The following INO80 variants were observed in gnomAD, a reference collection of about 807,000 sequenced individuals.
The protein encoded by INO80 is chromatin-remodeling ATPase INO80.
In INO80, 20 loss-of-function variants were observed where a neutral mutation model predicts 203.4. The ratio of observed to expected loss-of-function variants is 0.10; its 90% CI spans 0.07 to 0.14. INO80 has a LOEUF of 0.14. Among genes scored for constraint, INO80 ranks in the 10% least tolerant of loss-of-function variants. The pLI, the probability that INO80 is intolerant of heterozygous loss-of-function variation, is 1.00. For synonymous variants in INO80, 726 were observed against 685.2 expected, an observed-to-expected ratio of 1.06 and a Z score of -0.93; for missense variants, 1,419 against 1,914.4, an observed-to-expected ratio of 0.74 and a Z score of 4.83.
chr15:41,000,314 TGGGTACA>T (rs2043941917), intron 28 of INO80, among the ~76,000 whole-genome samples: 1 of 151,898 alleles, frequency 6.6e-6, no homozygotes, highest in Non-Finnish European at 1.5e-5. Context: ...CGTCAGGGAA[TGGGTACA>T]GGGTGGGAGT....
At chr15:40,989,355 C>A (rs1487461856) in intron 29 of INO80, among the ~76,000 whole-genome samples, 1 of 152,192 alleles carries the variant, frequency 6.6e-6, no homozygotes, top group African/African-American at 2.4e-5. Flanking sequence ...AAATATATCA[C>A]CACTAAGTGA....
intron 24 of INO80, among the ~76,000 whole-genome samples, chr15:41,029,943 AG>A (rs1201209329): frequency 2.0e-5 from 3 of 152,222 alleles, no homozygotes; most frequent in African/African-American, 4.8e-5. Flanking sequence ...GTAGTAGTTC[AG>A]GGCTGCCAGC....
Position 41,063,593 on chromosome 15 carries a change from G to A in INO80, c.1783-3667C>T, listed in dbSNP as rs749107990. Among the ~76,000 whole-genome samples the A allele has an allele frequency of 8.5e-5, 13 of 152,182 alleles. No homozygotes were observed. In the East Asian group the frequency reaches 1.5e-3, roughly 18 times the overall value. On this transcript the variant is annotated intron_variant, in intron 14 of 35. Coordinates refer to ENST00000648947, the MANE Select transcript of INO80 (RefSeq NM_017553.3). Reference sequence around the variant, plus strand: ...GTTAGAGACCAGCCTGGCTAACATGGTGAAACCCCGTCTGTACTAAAAATA... The same window carrying A: ...GTTAGAGACCAGCCTGGCTAACATGATGAAACCCCGTCTGTACTAAAAATA...
intron 6 of INO80, 127 bp from the exon 7 acceptor site, chr15:41,085,710 C>G: frequency 1.5e-6 from 1 of 658,564 alleles, no homozygotes; most frequent in Non-Finnish European, 2.6e-6. Flanking sequence ...ATCCCTTTAT[C>G]TACTCAGACC....
At chr15:41,095,484 T>A in intron 4 of INO80, 117 bp downstream of exon 4, 1 of 731,218 alleles carries the variant, frequency 1.4e-6, no homozygotes, top group South Asian at 1.7e-5. Context: ...ACATCCAGTA[T>A]AAGAGAATCA....
At chr15:41,108,972 T>C (rs150898466) in intron 1 of INO80, 438 of 159,342 alleles carry the variant, frequency 2.7e-3, no homozygotes, top group African/African-American at 9.7e-3. Context: ...CACGGTCTCT[T>C]TGGAAAGAAG....
chr15:41,040,442 G>C (rs1268909941), intron 24 of INO80, among the ~76,000 whole-genome samples: 2 of 152,170 alleles, frequency 1.3e-5, no homozygotes, highest in African/African-American at 4.8e-5. Context: ...ACACCTGCTT[G>C]ACAAGTGATG....
chr15:41,060,536 A>G (rs1471511903), intron 14 of INO80, among the ~76,000 whole-genome samples: 1 of 151,920 alleles, frequency 6.6e-6, no homozygotes, highest in Non-Finnish European at 1.5e-5. Flanking sequence ...CCTGGGGGAC[A>G]AGAGCAAGAC....
rs1212822971 is a variant in INO80 at position 41,092,063 on chromosome 15, C to T, written c.501G>A (p.Lys167=). ...TACTATACTTATTTTGGTGAAGTTTCTTATATTTGTGTAGTCGAAGCATGT... is the reference window on the plus strand; with the variant it reads ...TACTATACTTATTTTGGTGAAGTTTTTTATATTTGTGTAGTCGAAGCATGT... The part of the protein sequence containing the change: ...LHNMLRLHKY[K]KLHQNKYSKD... The change falls in exon 5 of 36, where the codon AAG becomes AAA. Residue 167 remains lysine (K), a synonymous_variant. Coordinates refer to ENST00000648947, the MANE Select transcript of INO80 (RefSeq NM_017553.3). The T allele has an allele frequency of 1.2e-6, 2 of 1,611,290 alleles. No individual in the cohort carries two copies. Among genetic ancestry groups the T allele is most frequent in the Non-Finnish European group, 1.7e-6 (2 of 1,177,758 alleles).
chr15:41,021,148 G>C (rs778848149), intron 25 of INO80, 23 bp from the exon 26 acceptor site: 2 of 1,543,352 alleles, frequency 1.3e-6, no homozygotes, highest in Non-Finnish European at 1.8e-6. Flanking sequence ...ATTCACATGA[G>C]ATGGCTCTTT....
chr15:41,011,995 TC>T (rs1276392108), intron 27 of INO80, among the ~76,000 whole-genome samples: 4 of 152,248 alleles, frequency 2.6e-5, no homozygotes, highest in Admixed American at 2.0e-4. Flanking sequence ...ATTAACTCTT[TC>T]CAAGTACTCT....
At chr15:40,981,407 T>C (rs928936603) in intron 35 of INO80, among the ~76,000 whole-genome samples, 2 of 152,198 alleles carry the variant, frequency 1.3e-5, no homozygotes, top group Non-Finnish European at 1.5e-5. Context: ...TGACTGTTGT[T>C]TTCCAAGGAT....
In INO80 at chr15:41,021,256, G is replaced by C. The variant is rs867128146; in HGVS notation, c.3049-131C>G. On this transcript the variant is annotated intron_variant, in intron 25 of 35. Coordinates refer to ENST00000648947, the MANE Select transcript of INO80 (RefSeq NM_017553.3). ...ACTAGTGGTTTTAAATATCTGTTCT[G>C]GCACACTAAGCTGTCCCTAATGAAT... The C allele has an allele frequency of 7.8e-6, 5 of 638,486 alleles. No homozygotes were observed. In the Middle Eastern group the frequency reaches 1.1e-3, roughly 142 times the overall value. The allele number at this position is 638,486 out of a possible 1,614,324, so 39.6% of individuals were successfully genotyped here.
chr15:40,984,020 G>T, intron 33 of INO80, 99 bp from the exon 34 acceptor site: 1 of 1,462,898 alleles, frequency 6.8e-7, no homozygotes, highest in East Asian at 2.3e-5. Flanking sequence ...GGCTGCTTTG[G>T]CTTCTGAGAA....
In INO80 at chr15:41,048,234, T is replaced by G; in HGVS notation, c.2619A>C (p.Gln873His). 5 of 1,613,366 alleles carry G rather than the reference T, an allele frequency of 3.1e-6. No individual in the cohort carries two copies. The highest frequency in any genetic ancestry group is 4.2e-6 in the Non-Finnish European group (5 of 1,179,492). The change falls in exon 22 of 36, where the codon CAA (glutamine) becomes CAC (histidine). Residue 873 changes from glutamine (Q) to histidine (H), a missense_variant. Physicochemically the swap from Gln to His is conservative, Grantham distance 24. Transcript: ENST00000648947. ...VLSPFAPDYI[Q>H]RSLFHRKGIN... ...TACCTTTTCTGTGAAAGAGAGACCG[T>G]TGGATATAGTCTGGTGCAAATGGAG... is the stretch of plus-strand genomic sequence containing the variant.
chr15:41,003,051 TG>T (rs2043982743), intron 28 of INO80, among the ~76,000 whole-genome samples: 1 of 151,448 alleles, frequency 6.6e-6, no homozygotes, highest in South Asian at 2.1e-4. Context: ...ACCCAGGAGG[TG>T]GAGGTTGCAG....
Position 41,051,145 on chromosome 15 carries a change from A to T in INO80, c.2275-1043T>A, listed in dbSNP as rs182886371. Among the ~76,000 whole-genome samples the T allele has an allele frequency of 2.1e-3, 320 of 150,902 alleles. 9 individuals carry two copies. Among genetic ancestry groups the T allele is most frequent in the Admixed American group, 6.8e-3 (103 of 15,078 alleles). ...CTCCATCTCAAAAAAAAAAAAAAAG[A>T]AAGTTCTCCCATAATCAAACCTACC... On this transcript the variant is annotated intron_variant, in intron 19 of 35. Transcript: ENST00000648947.
rs1191606698 is a variant in INO80 at position 41,070,378 on chromosome 15, C to T, written c.1686+89G>A. The T allele has an allele frequency of 4.4e-6, 5 of 1,134,584 alleles. No individual in the cohort carries two copies. In the African/African-American group the frequency reaches 6.1e-5, roughly 14 times the overall value. The allele number at this position is 1,134,584 out of a possible 1,614,324, so 70.3% of individuals were successfully genotyped here. A position where few individuals can be genotyped will look rare whatever the true frequency, so the allele number is the denominator to read the frequency against. On this transcript the variant is annotated intron_variant, in intron 13 of 35. Transcript: ENST00000648947. ...CCCACTATCTTGGAATGCTACACAG[C>T]TTAACATAGTGCTTTTAAGTGGCTG...
Position 41,054,850 on chromosome 15 carries a change from T to C in INO80, c.2188+397A>G, listed in dbSNP as rs190380525. ...ACAGGGTTTCACCATGTTGGCCAGG[T>C]TGGTCTTGAACTCCTGACCTAACGT... is the stretch of plus-strand genomic sequence containing the variant. On this transcript the variant is annotated intron_variant, in intron 18 of 35. Coordinates refer to ENST00000648947, the MANE Select transcript of INO80 (RefSeq NM_017553.3). 2.7e-3 allele frequency among the ~76,000 whole-genome samples: 410 copies of C among 152,212 alleles called. 3 individuals are homozygous for C. The highest frequency in any genetic ancestry group is 0.013 in the South Asian group (62 of 4,818).
Sources: gnomAD v4.1 joint callset for allele counts (sites outside exome capture counted in the v4.1 genomes callset) on GRCh38, gnomAD v4.1.1 for gene constraint, MANE v1.5 for transcripts, NCBI Gene and HGNC (gene_info 2026-07-23, HGNC 2026-07-21) for gene names.